The following MBNL1 variants were observed in gnomAD, a reference collection of about 807,000 sequenced individuals.
The protein encoded by MBNL1 is muscleblind-like protein 1.
MBNL1 carries 8 observed loss-of-function variants against 42.2 expected under a neutral mutation model. That is an observed-to-expected ratio of 0.19 (90% confidence interval 0.11 to 0.34). The LOEUF (loss-of-function observed/expected upper bound fraction) is 0.34, where lower values mean the gene tolerates loss of function less well. Among genes scored for constraint, MBNL1 ranks in the 10% least tolerant of loss-of-function variants. MBNL1 has a pLI of 1.00. For missense variants in MBNL1, 309 were observed against 495.3 expected (o/e 0.62, Z 3.57); for synonymous variants, 169 against 173.9 (o/e 0.97, Z 0.22).
chr3:152,252,134 ACCTT>A (rs139692617), intron 2 of MBNL1, among the ~76,000 whole-genome samples: 4,516 of 102,838 alleles, frequency 0.044, 168 homozygotes, highest in African/African-American at 0.11. Context: ...AAACTAACCT[ACCTT>A]CCTTCCTTCC....
intron 1 of MBNL1, among the ~76,000 whole-genome samples, chr3:152,289,884 G>A (rs954669746): frequency 2.0e-5 from 3 of 152,156 alleles, no homozygotes; most frequent in Non-Finnish European, 2.9e-5. Context: ...TGTGTATTAC[G>A]TTGTGTCATG....
At chr3:152,440,327 G>C (rs1395490170) in intron 4 of MBNL1, among the ~76,000 whole-genome samples, 1 of 152,124 alleles carries the variant, frequency 6.6e-6, no homozygotes, top group Non-Finnish European at 1.5e-5. Context: ...CCCAAGACTG[G>C]GCAATTTACG....
At chr3:152,337,964 C>A in intron 2 of MBNL1, 1 of 391,318 alleles carries the variant, frequency 2.6e-6, no homozygotes, top group Non-Finnish European at 3.5e-6. Flanking sequence ...TTAATTTCTG[C>A]TGCCTTGCGG....
chr3:152,387,880 A>G (rs190142743), intron 2 of MBNL1, among the ~76,000 whole-genome samples: 2 of 152,314 alleles, frequency 1.3e-5, no homozygotes, highest in African/African-American at 2.4e-5. Flanking sequence ...CTAGTAGTCT[A>G]AGAAAAGGAT....
At chr3:152,249,061 A>C (rs1187088887) in intron 2 of MBNL1, among the ~76,000 whole-genome samples, 3 of 149,796 alleles carry the variant, frequency 2.0e-5, no homozygotes, top group African/African-American at 7.4e-5. Context: ...TATTGTGAAT[A>C]GTGCCACAAT....
chr3:152,256,664 G>A (rs963654421), intron 2 of MBNL1, among the ~76,000 whole-genome samples: 2 of 152,032 alleles, frequency 1.3e-5, no homozygotes, highest in Admixed American at 6.6e-5. Context: ...TCCTTTAAGG[G>A]GTAGGAGGTT....
At chr3:152,315,512 TA>T (rs2070305745) in intron 2 of MBNL1, among the ~76,000 whole-genome samples, 1 of 152,346 alleles carries the variant, frequency 6.6e-6, no homozygotes, top group Admixed American at 6.5e-5. Flanking sequence ...TCTTTTTGCT[TA>T]CTACAGTTTT....
At chr3:152,335,622 C>T (rs111399131) in intron 2 of MBNL1, among the ~76,000 whole-genome samples, 1 of 150,146 alleles carries the variant, frequency 6.7e-6, no homozygotes, top group Non-Finnish European at 1.5e-5. Flanking sequence ...TAATTGAGCA[C>T]CTTTTTTTTT....
At chr3:152,333,399 A>C (rs1378323736) in intron 2 of MBNL1, among the ~76,000 whole-genome samples, 1 of 152,208 alleles carries the variant, frequency 6.6e-6, no homozygotes, top group Non-Finnish European at 1.5e-5. Context: ...AGGTTTTTGG[A>C]AAAAGACAGG....
At chr3:152,255,582 G>T (rs1348956913) in intron 2 of MBNL1, among the ~76,000 whole-genome samples, 1 of 151,966 alleles carries the variant, frequency 6.6e-6, no homozygotes, top group African/African-American at 2.4e-5. Context: ...TTTAGGTGCT[G>T]GGGAAATAGT....
intron 3 of MBNL1, among the ~76,000 whole-genome samples, chr3:152,419,689 G>T (rs1249132237): frequency 2.6e-4 from 6 of 22,964 alleles, no homozygotes; most frequent in African/African-American, 9.2e-4. Context: ...GAGTTTTTTT[G>T]TTTGTTTGTT....
chr3:152,337,393 G>A (rs1485766901), intron 2 of MBNL1, among the ~76,000 whole-genome samples: 1 of 152,128 alleles, frequency 6.6e-6, no homozygotes, highest in Non-Finnish European at 1.5e-5. Context: ...GCCAAGGCAG[G>A]TGGGTCATTT....
At chr3:152,302,969 G>A (rs1274892455) in intron 2 of MBNL1, among the ~76,000 whole-genome samples, 1 of 151,176 alleles carries the variant, frequency 6.6e-6, no homozygotes, top group Admixed American at 6.6e-5. Context: ...CAGGCTCCCA[G>A]GTGACTTACG....
intron 2 of MBNL1, chr3:152,339,748 T>C (rs2092614846): frequency 6.6e-6 from 1 of 152,188 alleles, no homozygotes; most frequent in Non-Finnish European, 1.5e-5. Context: ...TGTTTACTCA[T>C]AGCTGAACAA....
Position 152,367,103 on chromosome 3 carries a change from G to A in MBNL1, c.175-47838G>A, listed in dbSNP as rs192218638. ...TGCAGAATGTGCAGGTTTGTTACAC[G>A]TGCCATGGTGGTTTGCTGCACCCAT... On this transcript the variant is annotated intron_variant, in intron 2 of 9. Transcript: ENST00000324210. Among the ~76,000 whole-genome samples the A allele has an allele frequency of 2.4e-3, 361 of 152,086 alleles. 1 individual carries two copies. The highest frequency in any genetic ancestry group is 8.2e-3 in the African/African-American group (340 of 41,472).
intron 2 of MBNL1, among the ~76,000 whole-genome samples, chr3:152,368,225 A>T (rs1560317420): frequency 1.3e-5 from 2 of 152,162 alleles, no homozygotes; most frequent in Non-Finnish European, 2.9e-5. Flanking sequence ...AGTTTTCTGC[A>T]TATGGCTAGC....
chr3:152,292,177 A>G (rs2056364492), intron 1 of MBNL1, among the ~76,000 whole-genome samples: 1 of 152,234 alleles, frequency 6.6e-6, no homozygotes, highest in Non-Finnish European at 1.5e-5. Context: ...GCAGTGATTC[A>G]TTGTGATAAT....
chr3:152,252,275 C>T (rs1193839689), intron 2 of MBNL1, among the ~76,000 whole-genome samples: 2 of 149,832 alleles, frequency 1.3e-5, no homozygotes, highest in South Asian at 2.1e-4. Context: ...TTCCTCCCTT[C>T]CTCCCCTCCC....
intron 3 of MBNL1, among the ~76,000 whole-genome samples, chr3:152,421,992 C>T (rs1291740258): frequency 1.3e-5 from 2 of 151,274 alleles, no homozygotes; most frequent in Admixed American, 1.3e-4. Context: ...AAAATGTAAA[C>T]ACCATTGACA....
Sources: gnomAD v4.1 joint callset for allele counts (sites outside exome capture counted in the v4.1 genomes callset) on GRCh38, gnomAD v4.1.1 for gene constraint, MANE v1.5 for transcripts, NCBI Gene and HGNC (gene_info 2026-07-23, HGNC 2026-07-21) for gene names.